CACNA1E: variants seen among roughly 807,000 people sequenced by gnomAD.
CACNA1E encodes calcium voltage-gated channel subunit alpha1 E.
In CACNA1E, 40 loss-of-function variants were observed where a neutral mutation model predicts 259.2. The observed-to-expected ratio is 0.15, with a 90% CI of 0.12 to 0.20. CACNA1E has a LOEUF of 0.20. Ranked by LOEUF, CACNA1E falls within the 10% of genes least tolerant of loss-of-function variation. The pLI is 1.00. For synonymous variants in CACNA1E, 1,104 were observed against 1,138.5 expected (o/e 0.97, Z 0.61); for missense variants, 1,874 against 3,040.1 (o/e 0.62, Z 9.02).
intron 7 of CACNA1E, among the ~76,000 whole-genome samples, chr1:181,665,405 G>A (rs1648119717): frequency 6.6e-6 from 1 of 152,156 alleles, no homozygotes; most frequent in Non-Finnish European, 1.5e-5. Context: ...CTTATTTCAA[G>A]AATGTTCCAT....
intron 3 of CACNA1E, among the ~76,000 whole-genome samples, chr1:181,551,624 C>T (rs1019333959): frequency 1.3e-5 from 2 of 152,130 alleles, no homozygotes; most frequent in African/African-American, 2.4e-5. Context: ...AAGGGGTGTG[C>T]GAAAAAGCTC....
At chr1:181,605,019 G>A (rs994394219) in intron 6 of CACNA1E, among the ~76,000 whole-genome samples, 4 of 152,086 alleles carry the variant, frequency 2.6e-5, no homozygotes, top group African/African-American at 4.8e-5. Context: ...AGAAAGCCAC[G>A]CTGTCTAGTT....
chr1:181,647,447 C>G (rs918255210), intron 6 of CACNA1E, among the ~76,000 whole-genome samples: 25 of 152,142 alleles, frequency 1.6e-4, no homozygotes, highest in Admixed American at 1.1e-3. Context: ...ATGAGTGATT[C>G]TCCCTCTCAC....
intron 3 of CACNA1E, among the ~76,000 whole-genome samples, chr1:181,543,172 C>A (rs1668727294): frequency 6.6e-6 from 1 of 152,018 alleles, no homozygotes; most frequent in Non-Finnish European, 1.5e-5. Context: ...GGGCCCCACT[C>A]CCTGTGTTTC....
At chr1:181,759,754 C>T (rs1173871177) in intron 32 of CACNA1E, among the ~76,000 whole-genome samples, 1 of 152,188 alleles carries the variant, frequency 6.6e-6, no homozygotes, top group African/African-American at 2.4e-5. Context: ...GTGTGTATGG[C>T]TTTCCCTGCA....
intron 20 of CACNA1E, 149 bp from the exon 21 acceptor site, chr1:181,733,288 C>T (rs1228274904): frequency 2.5e-6 from 2 of 794,928 alleles, no homozygotes; most frequent in East Asian, 2.8e-5. Flanking sequence ...GTCTTAGCAC[C>T]TCTCTGCCTG....
intron 1 of CACNA1E, among the ~76,000 whole-genome samples, chr1:181,354,281 A>G (rs903203166): frequency 6.6e-6 from 1 of 152,140 alleles, no homozygotes; most frequent in African/African-American, 2.4e-5. Flanking sequence ...CTGGGCCTAG[A>G]GCAAGAGAGA....
intron 1 of CACNA1E, among the ~76,000 whole-genome samples, chr1:181,359,448 A>G (rs1441554531): frequency 6.6e-6 from 1 of 152,246 alleles, no homozygotes. Flanking sequence ...AGAAGTTTGA[A>G]CATGGCATGG....
At chr1:181,608,477 G>A (rs1654436117) in intron 6 of CACNA1E, among the ~76,000 whole-genome samples, 1 of 152,180 alleles carries the variant, frequency 6.6e-6, no homozygotes, top group South Asian at 2.1e-4. Context: ...TGTTTCCACA[G>A]AGGAGATCCA....
intron 36 of CACNA1E, 151 bp downstream of exon 36, chr1:181,771,535 C>T: frequency 1.6e-6 from 1 of 616,584 alleles, no homozygotes; most frequent in Non-Finnish European, 2.9e-6. Flanking sequence ...CTTTGCCAAA[C>T]TGCCCCTATA....
rs116248169 is a variant in CACNA1E, at chr1:181,613,449, A to G, written c.951+32673A>G. On this transcript the variant is annotated intron_variant, in intron 6 of 47. Transcript: ENST00000367573. ...TCTTAAGATAGCTAGAGAAAAGAAA[A>G]TCATAAGGAAGAGAACATATTTACT... is the stretch of plus-strand genomic sequence containing the variant. 7.9e-3 allele frequency among the ~76,000 whole-genome samples: 1,202 copies of G among 152,330 alleles called. 17 individuals are homozygous for G. The highest frequency in any genetic ancestry group is 0.028 in the African/African-American group (1,148 of 41,570).
At chr1:181,665,041 T>G (rs1648077857) in intron 7 of CACNA1E, among the ~76,000 whole-genome samples, 1 of 152,104 alleles carries the variant, frequency 6.6e-6, no homozygotes, top group Admixed American at 6.6e-5. Context: ...CACATGAAAT[T>G]TCTGGTTGAC....
chr1:181,790,596 G>A (rs1358269327), intron 44 of CACNA1E, 40 bp downstream of exon 44: 6 of 1,194,240 alleles, frequency 5.0e-6, no homozygotes, highest in Non-Finnish European at 7.5e-6. Flanking sequence ...CTACTTCCTT[G>A]GTTTCCTGAT....
In CACNA1E at chr1:181,798,355, AGTC is replaced by A. The variant is rs1302637573; in HGVS notation, c.6468_6470del (p.Arg2157del). 3 of 1,610,934 alleles carry A rather than the reference AGTC, an allele frequency of 1.9e-6. No individual in the cohort carries two copies. Among genetic ancestry groups the A allele is most frequent in the Admixed American group, 1.7e-5 (1 of 59,994 alleles). ...CTCTGACACCAGCACCCCAAGAAGA[AGTC>A]GTCGGCAGCTCCCACCCGTCCCGCC... On this transcript the variant is annotated inframe_deletion, in exon 48 of 48. Transcript: ENST00000367573. The surrounding 1 kb of genome is among the most constrained non-coding windows in gnomAD (Gnocchi z 4.2).
At chr1:181,565,776 C>T (rs749085351) in intron 3 of CACNA1E, among the ~76,000 whole-genome samples, 1 of 152,190 alleles carries the variant, frequency 6.6e-6, no homozygotes, top group Non-Finnish European at 1.5e-5. Flanking sequence ...AACAAGGCCA[C>T]TTTTGGGGGT....
At chr1:181,507,879 GT>G (rs2102602958) in intron 1 of CACNA1E, among the ~76,000 whole-genome samples, 1 of 152,306 alleles carries the variant, frequency 6.6e-6, no homozygotes, top group East Asian at 1.9e-4. Flanking sequence ...GTTTCCAGCT[GT>G]GAGGAGTGAC....
chr1:181,757,847 T>G (rs1475411251), intron 30 of CACNA1E, 100 bp from the exon 31 acceptor site: 2 of 1,334,882 alleles, frequency 1.5e-6, no homozygotes, highest in Non-Finnish European at 2.1e-6. Context: ...CCCTGCCCTT[T>G]TTCCCATTCA....
At chr1:181,769,570 C>T (rs1261448391) in intron 35 of CACNA1E, among the ~76,000 whole-genome samples, 1 of 151,374 alleles carries the variant, frequency 6.6e-6, no homozygotes, top group East Asian at 1.9e-4. Context: ...GCCACCATGC[C>T]CGGCTTGACT....
intron 1 of CACNA1E, among the ~76,000 whole-genome samples, chr1:181,399,238 A>T (rs1215669520): frequency 2.0e-5 from 3 of 150,872 alleles, no homozygotes; most frequent in Non-Finnish European, 3.0e-5. Context: ...TTAAAGGAAA[A>T]GAGGTAGAAG....
Sources: allele counts gnomAD v4.1 joint callset (sites outside exome capture counted in the v4.1 genomes callset), GRCh38; gene constraint gnomAD v4.1.1; non-coding constraint Gnocchi (gnomAD v3.1); transcripts MANE v1.5; gene names NCBI Gene and HGNC (gene_info 2026-07-23, HGNC 2026-07-21).